Variants in RNF180 observed in about 807,000 individuals in gnomAD.
The protein encoded by RNF180 is ring finger protein 180.
In RNF180, 38 loss-of-function variants were observed where a neutral mutation model predicts 59.2. The ratio of observed to expected loss-of-function variants is 0.64; its 90% CI spans 0.50 to 0.84. RNF180 has a LOEUF of 0.84. Ranked by LOEUF, RNF180 falls within the 40% of genes least tolerant of loss-of-function variation. The pLI is 0.00. For synonymous variants in RNF180, 262 were observed against 240.3 expected (o/e 1.09, Z -0.84); for missense variants, 705 against 700.9 (o/e 1.01, Z -0.07).
At chr5:64,318,257 TCTCC>T (rs1744167735) in intron 5 of RNF180, among the ~76,000 whole-genome samples, 3 of 152,174 alleles carry the variant, frequency 2.0e-5, no homozygotes, top group African/African-American at 7.2e-5. Context: ...GTGAATGTGT[TCTCC>T]CTCTTCTCTC....
At chr5:64,215,565 G>T (rs1752576937) in intron 4 of RNF180, among the ~76,000 whole-genome samples, 1 of 152,008 alleles carries the variant, frequency 6.6e-6, no homozygotes, top group Non-Finnish European at 1.5e-5. Context: ...TTGTTTACAA[G>T]TGATAGTATA....
At position 64,330,304 on chromosome 5, in the gene RNF180, T is replaced by G. The variant is rs1371003399; in HGVS notation, c.1477T>G (p.Phe493Val). 1.7e-5 allele frequency: 25 copies of G among 1,510,672 alleles called. No individual in the cohort carries two copies. The highest frequency in any genetic ancestry group is 1.9e-5 in the Non-Finnish European group (21 of 1,115,710). 93.6% of individuals were successfully genotyped at this position (1,510,672 alleles called of 1,614,324 possible). ...QTELNNATKT[F>V]FTKEYLKIKQ... ...AGAATTGAACAATGCCACAAAAACT[T>G]TCTTTACTAAAGAATATTTGAAAAT... The change falls in exon 7 of 8, where the codon TTC (phenylalanine) becomes GTC (valine). Residue 493 changes from phenylalanine (F) to valine (V), a missense_variant. Physicochemically the swap from Phe to Val is conservative, Grantham distance 50. Coordinates refer to ENST00000389100, the MANE Select transcript of RNF180 (RefSeq NM_001113561.2).
chr5:64,339,057 T>C (rs576173564), intron 7 of RNF180, among the ~76,000 whole-genome samples: 2 of 152,224 alleles, frequency 1.3e-5, no homozygotes, highest in East Asian at 3.9e-4. Flanking sequence ...TCAAATTTGT[T>C]AGCCTTTGTT....
chr5:64,276,319 G>GGGGGGTGTGTGT (rs553123802), intron 5 of RNF180, among the ~76,000 whole-genome samples: 2 of 138,086 alleles, frequency 1.4e-5, no homozygotes, highest in African/African-American at 5.5e-5. Flanking sequence ...AAAATACATT[G>GGGGGGTGTGTGT]GTGTGTGTGT....
intron 5 of RNF180, among the ~76,000 whole-genome samples, chr5:64,299,719 A>G (rs745674027): frequency 6.6e-6 from 1 of 151,940 alleles, no homozygotes; most frequent in Non-Finnish European, 1.5e-5. Flanking sequence ...GTGAATTTTT[A>G]TGAACAGTCA....
intron 5 of RNF180, among the ~76,000 whole-genome samples, chr5:64,226,665 TA>T (rs1190334274): frequency 2.2e-3 from 299 of 138,554 alleles, no homozygotes; most frequent in East Asian, 5.7e-3. Flanking sequence ...CAATAAATAC[TA>T]AAAAAAAAAA....
chr5:64,278,357 A>G (rs750463905), intron 5 of RNF180, among the ~76,000 whole-genome samples: 10 of 152,158 alleles, frequency 6.6e-5, no homozygotes, highest in Non-Finnish European at 1.0e-4. Context: ...GAGATTTTTA[A>G]TAGTCTCAAG....
chr5:64,269,592 C>T lies in RNF180; in HGVS notation c.1227+52196C>T, dbSNP rs142798601. Among the ~76,000 whole-genome samples the T allele has an allele frequency of 4.1e-3, 622 of 152,108 alleles. 3 individuals are homozygous for T. The highest frequency in any genetic ancestry group is 0.015 in the African/African-American group (603 of 41,486). On this transcript the variant is annotated intron_variant, in intron 5 of 7. Transcript: ENST00000389100. ...ATTTTCAAAAAACCTTACTGAAGGC[C>T]CTGCTATGTTTGTCTGAGATAAATT...
intron 7 of RNF180, among the ~76,000 whole-genome samples, chr5:64,340,740 A>G (rs1338304316): frequency 6.6e-6 from 1 of 152,186 alleles, no homozygotes; most frequent in African/African-American, 2.4e-5. Context: ...TAGCAGAATC[A>G]GGTTCTATTT....
chr5:64,197,261 A>C (rs1366912974), intron 1 of RNF180, among the ~76,000 whole-genome samples: 1 of 152,234 alleles, frequency 6.6e-6, no homozygotes, highest in Non-Finnish European at 1.5e-5. Context: ...ATTTTAAAGA[A>C]TGTTATTGAG....
chr5:64,185,012 T>C (rs1324310350), intron 1 of RNF180, among the ~76,000 whole-genome samples: 1 of 152,210 alleles, frequency 6.6e-6, no homozygotes, highest in Non-Finnish European at 1.5e-5. Flanking sequence ...AACTCCTGAC[T>C]GTCCTTTCTG....
intron 5 of RNF180, among the ~76,000 whole-genome samples, chr5:64,220,021 C>T (rs1580040249): frequency 6.6e-6 from 1 of 152,094 alleles, no homozygotes; most frequent in Non-Finnish European, 1.5e-5. Context: ...ACATGTTTAA[C>T]ATTGTTCATA....
chr5:64,338,478 C>CA (rs1351440669), intron 7 of RNF180, among the ~76,000 whole-genome samples: 10 of 151,726 alleles, frequency 6.6e-5, no homozygotes, highest in South Asian at 4.2e-4. Flanking sequence ...ACTAAAAATA[C>CA]AAAAAAATTA....
At chr5:64,320,350 G>C (rs1369523180) in intron 5 of RNF180, among the ~76,000 whole-genome samples, 1 of 152,184 alleles carries the variant, frequency 6.6e-6, no homozygotes, top group Non-Finnish European at 1.5e-5. Context: ...AGCAGAGTCT[G>C]GAAATAGATT....
chr5:64,187,426 G>A (rs1022519804), intron 1 of RNF180, among the ~76,000 whole-genome samples: 3 of 152,096 alleles, frequency 2.0e-5, no homozygotes, highest in Admixed American at 6.6e-5. Context: ...TTATAGATGT[G>A]AACACCAAAG....
In RNF180 at chr5:64,345,701, G is replaced by T. The variant is rs149764037; in HGVS notation, c.1579+15295G>T. Among the ~76,000 whole-genome samples, 240 of 152,184 alleles carry T rather than the reference G, an allele frequency of 1.6e-3. 1 individual carries two copies. The highest frequency in any genetic ancestry group is 5.1e-3 in the African/African-American group (211 of 41,532). On this transcript the variant is annotated intron_variant, in intron 7 of 7. Coordinates refer to ENST00000389100, the MANE Select transcript of RNF180 (RefSeq NM_001113561.2). ...CACCTGTCATGACAGATGTAAAAAGGAACACATTATAAACAATTTGCTGTT... is the reference window on the plus strand; with the variant it reads ...CACCTGTCATGACAGATGTAAAAAGTAACACATTATAAACAATTTGCTGTT...
At chr5:64,190,259 G>T (rs758601467) in intron 1 of RNF180, among the ~76,000 whole-genome samples, 1 of 152,298 alleles carries the variant, frequency 6.6e-6, no homozygotes, top group South Asian at 2.1e-4. Context: ...GAACTTGCTT[G>T]CAACCTGTCA....
At chr5:64,218,924 C>T (rs73097050) in intron 5 of RNF180, among the ~76,000 whole-genome samples, 1 of 152,242 alleles carries the variant, frequency 6.6e-6, no homozygotes, top group African/African-American at 2.4e-5. Context: ...TAAGAGTATA[C>T]ATTCTTGACG....
intron 5 of RNF180, among the ~76,000 whole-genome samples, chr5:64,218,133 C>G (rs1464976118): frequency 6.6e-6 from 1 of 151,748 alleles, no homozygotes; most frequent in African/African-American, 2.4e-5. Context: ...TTATGACGTC[C>G]TATTTCTCAA....
Sources: allele counts gnomAD v4.1 joint callset (sites outside exome capture counted in the v4.1 genomes callset), GRCh38; gene constraint gnomAD v4.1.1; transcripts MANE v1.5; gene names NCBI Gene and HGNC (gene_info 2026-07-23, HGNC 2026-07-21).